Variants in SPAG9 observed in about 807,000 individuals in gnomAD.
The protein encoded by SPAG9 is C-Jun-amino-terminal kinase-interacting protein 4.
Under a neutral mutation model 166.5 loss-of-function variants are expected in SPAG9, and 35 were observed. That is an observed-to-expected ratio of 0.21 (90% CI 0.16 to 0.28). The LOEUF (loss-of-function observed/expected upper bound fraction) is 0.28, where lower values mean the gene tolerates loss of function less well. SPAG9 is among the 10% of genes least tolerant of loss of function. The probability of loss-of-function intolerance (pLI) is 1.00; values close to 1 mark genes in which losing one functional copy is unlikely to be tolerated. For synonymous variants in SPAG9, 534 were observed against 565.5 expected (o/e 0.94, Z 0.79); for missense variants, 1,235 against 1,603.3 (o/e 0.77, Z 3.92).
rs1357081342 is a variant in SPAG9 at position 50,962,973 on chromosome 17, C to G, written c.*3299G>C. 1.3e-5 allele frequency: 2 copies of G among 152,200 alleles called. No individual in the cohort carries two copies. Among genetic ancestry groups the G allele is most frequent in the East Asian group, 3.8e-4 (2 of 5,200 alleles). The allele number at this position is 152,200 out of a possible 1,614,324, so 9.4% of individuals were successfully genotyped here. A position where few individuals can be genotyped will look rare whatever the true frequency, so the allele number is the denominator to read the frequency against. ...TTCCTATTTTTAAAATTTAGATCCA[C>G]ATGGGTTAGAGAAAAATACTCTCAA... On this transcript the variant is annotated 3_prime_UTR_variant, in exon 30 of 30. Coordinates refer to ENST00000262013, the MANE Select transcript of SPAG9 (RefSeq NM_001130528.3).
chr17:51,012,840 C>T (rs778924498), intron 9 of SPAG9, among the ~76,000 whole-genome samples: 8 of 151,392 alleles, frequency 5.3e-5, no homozygotes, highest in Non-Finnish European at 1.2e-4. Flanking sequence ...CTCTGCCTCC[C>T]GGGTTCAAGC....
chr17:50,981,483 AAGATAGATAGATAGATAGAT>A (rs71353692), intron 25 of SPAG9, among the ~76,000 whole-genome samples: 143 of 143,938 alleles, frequency 9.9e-4, no homozygotes, highest in Admixed American at 3.7e-3. Flanking sequence ...TACACAGATA[AAGATAGATAGATAGATAGAT>A]AGATAGATAG....
chr17:51,058,394 G>C (rs1030176441), intron 2 of SPAG9, among the ~76,000 whole-genome samples: 3 of 152,136 alleles, frequency 2.0e-5, no homozygotes, highest in Non-Finnish European at 4.4e-5. Flanking sequence ...TAGAGATGAG[G>C]AAACTGAAGC....
chr17:51,014,583 C>A, intron 8 of SPAG9: 1 of 394,634 alleles, frequency 2.5e-6, no homozygotes, highest in Non-Finnish European at 4.5e-6. Flanking sequence ...GTGATCCCAG[C>A]AAACACAAGC....
intron 1 of SPAG9, among the ~76,000 whole-genome samples, chr17:51,104,732 G>A (rs2048895429): frequency 6.6e-6 from 1 of 151,854 alleles, no homozygotes; most frequent in South Asian, 2.1e-4. Context: ...AGGAGATCGA[G>A]ACCATCCTGG....
chr17:51,083,885 T>C (rs1158073760), intron 1 of SPAG9, among the ~76,000 whole-genome samples: 1 of 152,060 alleles, frequency 6.6e-6, no homozygotes, highest in Non-Finnish European at 1.5e-5. Flanking sequence ...TCAGAGGGCT[T>C]AGAGACACTG....
intron 28 of SPAG9, among the ~76,000 whole-genome samples, chr17:50,973,430 A>T (rs548268294): frequency 1.3e-5 from 2 of 152,302 alleles, no homozygotes; most frequent in South Asian, 4.1e-4. Context: ...GAAGGAAATG[A>T]CTATACAAAT....
Position 51,047,416 on chromosome 17 carries a change from T to C in SPAG9, c.549A>G (p.Ser183=). ...HLERTKLHQL[S]GSDQLESTAH... ...CTGTGGATTCTAGTTGATCACTCCC[T>C]GAGAGCTGATGAAGTTTTGTTCTTT... The change falls in exon 4 of 30, where the codon TCA becomes TCG. Residue 183 remains serine, a synonymous_variant. Coordinates refer to ENST00000262013, the MANE Select transcript of SPAG9 (RefSeq NM_001130528.3). The C allele has an allele frequency of 6.3e-7, 1 of 1,594,192 alleles. No homozygotes were observed. Among genetic ancestry groups the C allele is most frequent in the Non-Finnish European group, 8.6e-7 (1 of 1,168,216 alleles).
Position 51,086,575 on chromosome 17 carries a change from C to A in SPAG9, c.304-6871G>T, listed in dbSNP as rs1015857869. On this transcript the variant is annotated intron_variant, in intron 1 of 29. Coordinates refer to ENST00000262013, the MANE Select transcript of SPAG9 (RefSeq NM_001130528.3). ...GGCTGAGGCACAAGAATCGCTTGAA[C>A]CCAGGAGGTGGAGGCTGTAATGAGC... Among the ~76,000 whole-genome samples, 35 of 152,028 alleles carry A rather than the reference C, an allele frequency of 2.3e-4. 1 individual carries two copies. Among genetic ancestry groups the A allele is most frequent in the African/African-American group, 2.4e-5 (1 of 41,398 alleles).
At position 51,059,528 on chromosome 17, in the gene SPAG9, C is replaced by T. The variant is rs531047419; in HGVS notation, c.425-3046G>A. Among the ~76,000 whole-genome samples the T allele has an allele frequency of 2.0e-3, 308 of 151,890 alleles. 1 individual carries two copies. Among genetic ancestry groups the T allele is most frequent in the African/African-American group, 7.1e-3 (293 of 41,426 alleles). On this transcript the variant is annotated intron_variant, in intron 2 of 29. Transcript: ENST00000262013. ...CCAGCACTTTGAGAGCCGAGGTGGG[C>T]GGATCACAAGGTCAGAAGTTCGAGA...
chr17:50,970,284 C>G (rs1266470730), intron 29 of SPAG9, among the ~76,000 whole-genome samples: 1 of 152,070 alleles, frequency 6.6e-6, no homozygotes, highest in East Asian at 1.9e-4. Flanking sequence ...AAGGCCGAGG[C>G]AGGCGGATCA....
chr17:51,019,303 A>G (rs2045834883), intron 8 of SPAG9, among the ~76,000 whole-genome samples: 1 of 152,192 alleles, frequency 6.6e-6, no homozygotes. Context: ...CATGCCTGTA[A>G]TCTCAGCACT....
chr17:50,970,686 C>A, intron 29 of SPAG9, 21 bp downstream of exon 29: 1 of 1,607,990 alleles, frequency 6.2e-7, no homozygotes, highest in Non-Finnish European at 8.5e-7. Context: ...GCAAACTGAG[C>A]ACCCAGAACC....
chr17:50,966,474 A>G (rs1379471255), intron 29 of SPAG9, 87 bp from the exon 30 acceptor site: 2 of 840,912 alleles, frequency 2.4e-6, no homozygotes, highest in Admixed American at 1.8e-5. Context: ...TGGTTAGTCC[A>G]TGAACAAGAT....
intron 19 of SPAG9, among the ~76,000 whole-genome samples, chr17:50,992,378 T>C (rs369970201): frequency 4.0e-4 from 61 of 152,326 alleles, no homozygotes; most frequent in African/African-American, 1.3e-3. Context: ...TAGAGGATAA[T>C]GTATTGTACT....
At chr17:50,976,301 G>A (rs1000682244) in intron 27 of SPAG9, among the ~76,000 whole-genome samples, 1 of 152,154 alleles carries the variant, frequency 6.6e-6, no homozygotes, top group South Asian at 2.1e-4. Flanking sequence ...ACAAATAACT[G>A]AAATGAACTC....
chr17:50,979,427 TTTCA>T (rs2143690964), intron 26 of SPAG9, among the ~76,000 whole-genome samples: 1 of 149,858 alleles, frequency 6.7e-6, no homozygotes, highest in East Asian at 2.0e-4. Context: ...CGTCTGACAC[TTTCA>T]ATGATAAAAG....
intron 2 of SPAG9, among the ~76,000 whole-genome samples, chr17:51,077,452 A>C (rs1042183325): frequency 6.6e-6 from 1 of 151,982 alleles, no homozygotes; most frequent in Non-Finnish European, 1.5e-5. Context: ...GTACAATCAA[A>C]TTAGGATTTA....
At chr17:50,975,845 T>C in intron 27 of SPAG9, 1 of 1,532,068 alleles carries the variant, frequency 6.5e-7, no homozygotes, top group Non-Finnish European at 8.7e-7. Context: ...AAGAGTTTGG[T>C]TCAGAATCTG....
Sources: gnomAD v4.1 joint callset for allele counts (sites outside exome capture counted in the v4.1 genomes callset) on GRCh38, gnomAD v4.1.1 for gene constraint, MANE v1.5 for transcripts, NCBI Gene and HGNC (gene_info 2026-07-23, HGNC 2026-07-21) for gene names.